ATXN1: variants seen among roughly 807,000 people sequenced by gnomAD.
ATXN1 encodes the protein ataxin-1.
ATXN1 carries 8 observed loss-of-function variants against 56.4 expected under a neutral mutation model. That is an observed-to-expected ratio of 0.14 (90% CI 0.08 to 0.26). The LOEUF is 0.26. Ranked by LOEUF, ATXN1 falls within the 10% of genes least tolerant of loss-of-function variation. ATXN1 has a pLI of 1.00. For missense variants in ATXN1, 987 were observed against 1,106.5 expected (o/e 0.89, Z 1.53); for synonymous variants, 514 against 494.6 (o/e 1.04, Z -0.52).
intron 6 of ATXN1, among the ~76,000 whole-genome samples, chr6:16,384,065 A>G (rs1433783143): frequency 6.6e-6 from 1 of 152,216 alleles, no homozygotes; most frequent in Non-Finnish European, 1.5e-5. Context: ...ACATCCAGGA[A>G]AGCCAAGAAA....
chr6:16,358,953 C>A (rs987735419), intron 6 of ATXN1, among the ~76,000 whole-genome samples: 1 of 152,154 alleles, frequency 6.6e-6, no homozygotes, highest in African/African-American at 2.4e-5. Flanking sequence ...GTTGTCAGGG[C>A]GGGAGCTCCC....
intron 6 of ATXN1, among the ~76,000 whole-genome samples, chr6:16,436,100 G>A (rs560205662): frequency 1.6e-4 from 25 of 152,164 alleles, no homozygotes; most frequent in Middle Eastern, 3.4e-3. Context: ...GTTTCACCAC[G>A]TTGGCCAGCC....
intron 3 of ATXN1, among the ~76,000 whole-genome samples, chr6:16,617,310 T>G (rs1763232023): frequency 2.6e-5 from 4 of 152,156 alleles, no homozygotes. Context: ...CTCTCTGAAT[T>G]GATATCTAAT....
chr6:16,755,207 A>G (rs1390042693), intron 1 of ATXN1, among the ~76,000 whole-genome samples: 1 of 152,252 alleles, frequency 6.6e-6, no homozygotes, highest in Non-Finnish European at 1.5e-5. Flanking sequence ...CTCTTGCATG[A>G]GTATGCTTTC....
At chr6:16,533,969 G>C (rs1422541868) in intron 4 of ATXN1, among the ~76,000 whole-genome samples, 2 of 152,042 alleles carry the variant, frequency 1.3e-5, no homozygotes, top group African/African-American at 2.4e-5. Context: ...GAATAACGTT[G>C]AGTCATGGTT....
intron 5 of ATXN1, among the ~76,000 whole-genome samples, chr6:16,487,930 G>A (rs774768898): frequency 1.5e-4 from 23 of 152,082 alleles, no homozygotes; most frequent in Non-Finnish European, 2.4e-4. Flanking sequence ...TGTATTATAC[G>A]AACTGATCTA....
At chr6:16,610,081 G>GA (rs1324929487) in intron 3 of ATXN1, among the ~76,000 whole-genome samples, 1 of 151,984 alleles carries the variant, frequency 6.6e-6, no homozygotes, top group Admixed American at 6.6e-5. Flanking sequence ...AAAGGCACTG[G>GA]AAAAAAGATG....
At chr6:16,749,497 T>C (rs144368158) in intron 2 of ATXN1, among the ~76,000 whole-genome samples, 208 of 152,322 alleles carry the variant, frequency 1.4e-3, no homozygotes, top group Non-Finnish European at 2.1e-3. Context: ...GTTCCTATTT[T>C]TTTAAAGGTC....
intron 7 of ATXN1, among the ~76,000 whole-genome samples, chr6:16,309,072 T>A (rs549007509): frequency 1.3e-4 from 19 of 148,992 alleles, no homozygotes; most frequent in East Asian, 7.9e-4. Flanking sequence ...TACAGAAATT[T>A]AAAAAAAAAT....
chr6:16,622,843 A>G (rs1191205235), intron 3 of ATXN1, among the ~76,000 whole-genome samples: 1 of 152,042 alleles, frequency 6.6e-6, no homozygotes, highest in African/African-American at 2.4e-5. Context: ...GTTCTAATCC[A>G]TGTCTTTCTA....
At chr6:16,672,598 T>C (rs1326132133) in intron 2 of ATXN1, among the ~76,000 whole-genome samples, 2 of 152,118 alleles carry the variant, frequency 1.3e-5, no homozygotes, top group African/African-American at 4.8e-5. Context: ...TTTAAAAGTC[T>C]GAGAAGGAGG....
At chr6:16,330,175 C>T (rs897532286) in intron 6 of ATXN1, among the ~76,000 whole-genome samples, 1 of 152,102 alleles carries the variant, frequency 6.6e-6, no homozygotes, top group Admixed American at 6.5e-5. Context: ...CTTGGCCTCC[C>T]AAAGTGCTAG....
intron 6 of ATXN1, among the ~76,000 whole-genome samples, chr6:16,431,744 C>T (rs772767079): frequency 2.0e-5 from 3 of 152,176 alleles, no homozygotes; most frequent in Non-Finnish European, 2.9e-5. Context: ...CAGATCTCCA[C>T]GATATCAAAA....
intron 4 of ATXN1, among the ~76,000 whole-genome samples, chr6:16,579,981 A>G (rs1762499138): frequency 6.6e-6 from 1 of 152,218 alleles, no homozygotes; most frequent in African/African-American, 2.4e-5. Context: ...AAAAATTACC[A>G]GTGATATACT....
chr6:16,318,503 G>A (rs763336930), intron 7 of ATXN1, among the ~76,000 whole-genome samples: 5 of 152,088 alleles, frequency 3.3e-5, no homozygotes, highest in East Asian at 1.9e-4. Context: ...AGAAAACCCC[G>A]TCTCAAAGAT....
intron 6 of ATXN1, among the ~76,000 whole-genome samples, chr6:16,455,952 A>T (rs966829156): frequency 6.6e-6 from 1 of 152,354 alleles, no homozygotes; most frequent in Non-Finnish European, 1.5e-5. Flanking sequence ...GTATAAAAGT[A>T]GCCAATCGCA....
chr6:16,457,951 C>G (rs1435813963), intron 6 of ATXN1, among the ~76,000 whole-genome samples: 1 of 152,158 alleles, frequency 6.6e-6, no homozygotes, highest in Admixed American at 6.5e-5. Context: ...TAAAGCAGAT[C>G]AAGGTAGACC....
chr6:16,322,433 T>A (rs1760677062), intron 7 of ATXN1, among the ~76,000 whole-genome samples: 1 of 152,170 alleles, frequency 6.6e-6, no homozygotes, highest in African/African-American at 2.4e-5. Context: ...AGTTCAGGCA[T>A]CCTCAAGAGT....
At chr6:16,457,786 AATG>A (rs1581776721) in intron 6 of ATXN1, among the ~76,000 whole-genome samples, 1 of 152,208 alleles carries the variant, frequency 6.6e-6, no homozygotes, top group East Asian at 1.9e-4. Context: ...CCTTCCTATT[AATG>A]ATGAGCCTCC....
Sources: gnomAD v4.1 joint callset for allele counts (sites outside exome capture counted in the v4.1 genomes callset) on GRCh38, gnomAD v4.1.1 for gene constraint, MANE v1.5 for transcripts, NCBI Gene and HGNC (gene_info 2026-07-23, HGNC 2026-07-21) for gene names.